CPVL: variants seen among roughly 807,000 people sequenced by gnomAD.
The protein encoded by CPVL is probable serine carboxypeptidase CPVL.
A neutral mutation model predicts 63.7 loss-of-function variants in CPVL; 51 were observed. The observed-to-expected ratio is 0.80, with a 90% CI of 0.64 to 1.01. CPVL has a LOEUF of 1.01. CPVL is among the 50% of genes least tolerant of loss of function. CPVL has a pLI of 0.00. For synonymous variants in CPVL, 195 were observed against 206.0 expected (o/e 0.95, Z 0.46); for missense variants, 530 against 573.1 (o/e 0.92, Z 0.77).
At chr7:29,188,484 T>C (rs1207392078) in intron 1 of CPVL, among the ~76,000 whole-genome samples, 2 of 152,216 alleles carry the variant, frequency 1.3e-5, no homozygotes, top group Non-Finnish European at 1.5e-5. Context: ...GGCTCAGATA[T>C]TGTGTCTGTT....
intron 3 of CPVL, among the ~76,000 whole-genome samples, chr7:29,102,671 C>G (rs984865339): frequency 6.6e-6 from 1 of 152,084 alleles, no homozygotes; most frequent in Non-Finnish European, 1.5e-5. Flanking sequence ...GTCCCACAAA[C>G]CTGGGCCCTT....
intron 9 of CPVL, 64 bp downstream of exon 9, chr7:29,071,709 A>AACCC: frequency 2.1e-6 from 1 of 472,932 alleles, no homozygotes; most frequent in Non-Finnish European, 4.2e-6. Context: ...GTTCCTGCTC[A>AACCC]CCCGCCCTCC....
At chr7:29,130,581 C>T (rs769595659) in intron 1 of CPVL, among the ~76,000 whole-genome samples, 2 of 152,084 alleles carry the variant, frequency 1.3e-5, no homozygotes, top group Non-Finnish European at 2.9e-5. Flanking sequence ...AAGGCCAGAG[C>T]TTTATATGAG....
intron 3 of CPVL, among the ~76,000 whole-genome samples, chr7:29,097,900 G>A (rs1037832267): frequency 7.2e-5 from 11 of 152,098 alleles, no homozygotes; most frequent in African/African-American, 2.7e-4. Context: ...GAAATGACAA[G>A]GGAAACCCTC....
intron 11 of CPVL, among the ~76,000 whole-genome samples, chr7:29,034,298 G>C (rs934879908): frequency 1.3e-5 from 2 of 152,018 alleles, no homozygotes; most frequent in African/African-American, 4.8e-5. Flanking sequence ...GTAGAGACGG[G>C]GTTTCGCCAT....
chr7:29,133,332 T>C (rs1317554439), intron 1 of CPVL, among the ~76,000 whole-genome samples: 3 of 152,268 alleles, frequency 2.0e-5, no homozygotes, highest in Admixed American at 2.0e-4. Context: ...TATTGACTTT[T>C]CTGACATGCT....
Position 29,019,900 on chromosome 7 carries a change from A to G in CPVL, c.1320+10677T>C, listed in dbSNP as rs537693851. 1.7e-4 allele frequency among the ~76,000 whole-genome samples: 26 copies of G among 152,348 alleles called. No individual in the cohort carries two copies. In the Middle Eastern group the frequency reaches 0.017, roughly 100 times the overall value. On this transcript the variant is annotated intron_variant, in intron 12 of 12. Coordinates refer to ENST00000265394, the MANE Select transcript of CPVL (RefSeq NM_031311.5). ...AATGCAGATCCCTTGCTGCGTGGTAAAACACTCACTATCACAAACATATGT... is the reference window on the plus strand; with the variant it reads ...AATGCAGATCCCTTGCTGCGTGGTAGAACACTCACTATCACAAACATATGT...
rs1787933941 is a variant in CPVL, at chr7:29,030,643, A to G, written c.1254T>C (p.Val418=). Residue 418 remains valine (V), a synonymous_variant, in exon 12 of 13, where the codon GTT becomes GTC. Coordinates refer to ENST00000265394, the MANE Select transcript of CPVL (RefSeq NM_031311.5). ...SQEYKKAEKK[V]WKIFKSDSEV... The stretch of plus-strand genomic sequence containing the variant: ...CACTGTCAGATTTAAAGATCTTCCA[A>G]ACTTTTTTTTCTGCCTTCTTGTATT... The G allele has an allele frequency of 1.9e-6, 3 of 1,613,568 alleles. No homozygotes were observed. The highest frequency in any genetic ancestry group is 2.5e-6 in the Non-Finnish European group (3 of 1,179,840).
At chr7:29,115,599 A>G (rs1788702313) in intron 2 of CPVL, among the ~76,000 whole-genome samples, 1 of 151,032 alleles carries the variant, frequency 6.6e-6, no homozygotes, top group Admixed American at 6.6e-5. Flanking sequence ...TAGCAAAACT[A>G]TTAATCTTCT....
At chr7:29,188,758 A>AAAC (rs201321287) in intron 1 of CPVL, among the ~76,000 whole-genome samples, 1 of 152,082 alleles carries the variant, frequency 6.6e-6, no homozygotes, top group Non-Finnish European at 1.5e-5. Flanking sequence ...GTTTTGTTAA[A>AAAC]AACAACAACA....
intron 9 of CPVL, among the ~76,000 whole-genome samples, chr7:29,066,496 A>G (rs532071466): frequency 6.6e-6 from 1 of 152,326 alleles, no homozygotes; most frequent in South Asian, 2.1e-4. Context: ...CAATGTAGAG[A>G]GGAGGTCACA....
intron 11 of CPVL, among the ~76,000 whole-genome samples, chr7:29,033,602 T>C (rs1179929675): frequency 2.0e-5 from 3 of 152,222 alleles, no homozygotes; most frequent in Non-Finnish European, 4.4e-5. Context: ...CTTGCTGGTA[T>C]TTTAAGCAAC....
intron 12 of CPVL, among the ~76,000 whole-genome samples, chr7:29,016,383 C>T (rs1027330350): frequency 6.6e-6 from 1 of 151,772 alleles, no homozygotes; most frequent in African/African-American, 2.4e-5. Context: ...GGACCAGTAA[C>T]CAGCCCACAG....
chr7:29,169,624 T>C (rs1796339615), intron 5 of CPVL, among the ~76,000 whole-genome samples: 1 of 152,116 alleles, frequency 6.6e-6, no homozygotes, highest in Non-Finnish European at 1.5e-5. Context: ...CTACCTATTC[T>C]TCTTTGGCTT....
At chr7:29,035,530 C>T (rs929996421) in intron 11 of CPVL, among the ~76,000 whole-genome samples, 8 of 152,278 alleles carry the variant, frequency 5.3e-5, no homozygotes, top group African/African-American at 1.9e-4. Context: ...CTCACTTTGG[C>T]TCTATGGACA....
Position 29,018,378 on chromosome 7 carries a change from C to CTTTT in CPVL, c.1320+12195_1320+12198dup, listed in dbSNP as rs70977092. Among the ~76,000 whole-genome samples the CTTTT allele has an allele frequency of 6.6e-3, 815 of 123,960 alleles. 21 individuals are homozygous for CTTTT. The highest frequency in any genetic ancestry group is 0.022 in the African/African-American group (706 of 31,792). The allele number at this position is 123,960 out of a possible 152,430, so 81.3% of individuals were successfully genotyped here. The stretch of plus-strand genomic sequence containing the variant: ...TATTATTCCGATTAAAATTTTTAAT[C>CTTTT]TTTTTTTTTTTTTTTTTTGAGACAG... On this transcript the variant is annotated intron_variant, in intron 12 of 12. Transcript: ENST00000265394.
intron 11 of CPVL, among the ~76,000 whole-genome samples, chr7:29,035,611 G>A (rs1463528519): frequency 7.0e-6 from 1 of 143,036 alleles, no homozygotes. Flanking sequence ...AATACCAGCA[G>A]TGCCTTAAAA....
chr7:29,157,855 T>A (rs931934446), intron 5 of CPVL, among the ~76,000 whole-genome samples: 3 of 152,180 alleles, frequency 2.0e-5, no homozygotes, highest in African/African-American at 7.2e-5. Context: ...AATCCTTCTA[T>A]GTAGATTATT....
intron 11 of CPVL, among the ~76,000 whole-genome samples, chr7:29,062,719 G>A (rs1160179539): frequency 6.6e-6 from 1 of 152,152 alleles, no homozygotes. Context: ...ACACATTGTA[G>A]AAATGAATAT....
Sources: allele counts gnomAD v4.1 joint callset (sites outside exome capture counted in the v4.1 genomes callset), GRCh38; gene constraint gnomAD v4.1.1; transcripts MANE v1.5; gene names NCBI Gene and HGNC (gene_info 2026-07-23, HGNC 2026-07-21).